Variants in PEAK1 observed in about 807,000 individuals in gnomAD.
PEAK1 encodes the protein inactive tyrosine-protein kinase PEAK1.
A neutral mutation model predicts 124.7 loss-of-function variants in PEAK1; 54 were observed. The observed-to-expected ratio is 0.43, with a 90% confidence interval of 0.35 to 0.54. PEAK1 has a LOEUF of 0.54. Among genes scored for constraint, PEAK1 ranks in the 20% least tolerant of loss-of-function variants. The pLI is 0.01. For missense variants in PEAK1, 2,046 were observed against 2,134.5 expected (o/e 0.96, Z 0.82); for synonymous variants, 719 against 760.0 (o/e 0.95, Z 0.89).
At chr15:77,356,774 T>C (rs764179910) in intron 2 of PEAK1, among the ~76,000 whole-genome samples, 2 of 152,242 alleles carry the variant, frequency 1.3e-5, no homozygotes, top group Non-Finnish European at 2.9e-5. Flanking sequence ...AATTAAGGCA[T>C]TATAATGATT....
intron 2 of PEAK1, among the ~76,000 whole-genome samples, chr15:77,302,035 C>T (rs1439005419): frequency 1.3e-5 from 2 of 151,994 alleles, no homozygotes; most frequent in Middle Eastern, 3.4e-3. Context: ...ATACTCCTAT[C>T]GTTGTGTCTT....
intron 1 of PEAK1, among the ~76,000 whole-genome samples, chr15:77,393,453 G>C (rs1277386494): frequency 1.3e-5 from 2 of 152,114 alleles, no homozygotes; most frequent in Non-Finnish European, 2.9e-5. Context: ...CTCAACCACA[G>C]TAGGACAGGC....
At chr15:77,262,090 A>G (rs982593643) in intron 5 of PEAK1, among the ~76,000 whole-genome samples, 12 of 152,192 alleles carry the variant, frequency 7.9e-5, no homozygotes, top group African/African-American at 1.2e-4. Context: ...GGCCTGCCCT[A>G]AAAGAACTCC....
At chr15:77,160,845 G>C (rs1456623882) in intron 7 of PEAK1, among the ~76,000 whole-genome samples, 2 of 152,098 alleles carry the variant, frequency 1.3e-5, no homozygotes, top group Non-Finnish European at 2.9e-5. Context: ...ATTACTAAAA[G>C]AAAGTGTTCC....
chr15:77,240,454 C>CA (rs2060305255), intron 6 of PEAK1, among the ~76,000 whole-genome samples: 2 of 151,442 alleles, frequency 1.3e-5, no homozygotes, highest in Admixed American at 1.3e-4. Context: ...TCCGTCTCTA[C>CA]AAAAAATAAA....
chr15:77,238,803 T>C (rs1192072362), intron 6 of PEAK1, among the ~76,000 whole-genome samples: 1 of 152,202 alleles, frequency 6.6e-6, no homozygotes, highest in Admixed American at 6.5e-5. Context: ...TGTTTTTGCA[T>C]GTCAAACACC....
intron 1 of PEAK1, among the ~76,000 whole-genome samples, chr15:77,383,301 C>G (rs993619156): frequency 1.3e-5 from 2 of 152,170 alleles, no homozygotes; most frequent in Non-Finnish European, 2.9e-5. Context: ...GCTGGGATTA[C>G]AGACATGAGC....
chr15:77,303,144 G>C (rs1156695228), intron 2 of PEAK1, among the ~76,000 whole-genome samples: 18 of 152,122 alleles, frequency 1.2e-4, no homozygotes, highest in Admixed American at 1.2e-3. Context: ...ATGTACCACA[G>C]TTTATCCATT....
intron 2 of PEAK1, among the ~76,000 whole-genome samples, chr15:77,294,107 A>G (rs1202641449): frequency 1.3e-5 from 2 of 152,218 alleles, no homozygotes; most frequent in African/African-American, 4.8e-5. Context: ...CAGTGCCCTC[A>G]GCAAATTTGG....
At chr15:77,119,096 T>A (rs2051669541) in intron 9 of PEAK1, among the ~76,000 whole-genome samples, 1 of 81,150 alleles carries the variant, frequency 1.2e-5, no homozygotes, top group South Asian at 3.6e-4. Context: ...GGCCTCTTTC[T>A]GGATAAGCTT....
intron 1 of PEAK1, chr15:77,401,669 G>T: frequency 1.0e-6 from 1 of 984,956 alleles, no homozygotes; most frequent in Non-Finnish European, 1.2e-6. Flanking sequence ...ACATTGCCAC[G>T]AAAGAACTCA....
At chr15:77,140,358 G>A (rs889413246) in intron 8 of PEAK1, among the ~76,000 whole-genome samples, 2 of 151,966 alleles carry the variant, frequency 1.3e-5, no homozygotes, top group Admixed American at 6.6e-5. Flanking sequence ...CTAGCAAACC[G>A]AATCCAGCAA....
At chr15:77,198,338 C>T (rs758361720) in intron 6 of PEAK1, among the ~76,000 whole-genome samples, 3 of 152,124 alleles carry the variant, frequency 2.0e-5, no homozygotes, top group Non-Finnish European at 4.4e-5. Context: ...ATTTTTAGTG[C>T]AATGCTGTAA....
intron 6 of PEAK1, among the ~76,000 whole-genome samples, chr15:77,202,326 G>T (rs959900910): frequency 2.0e-5 from 3 of 152,114 alleles, no homozygotes; most frequent in Admixed American, 1.3e-4. Flanking sequence ...GACTACCACA[G>T]AACCTAACTA....
intron 6 of PEAK1, among the ~76,000 whole-genome samples, chr15:77,247,713 T>C (rs1336639590): frequency 3.9e-5 from 6 of 152,008 alleles, no homozygotes; most frequent in Admixed American, 2.0e-4. Context: ...CTCAAACTCC[T>C]AACCTGAAGT....
At chr15:77,106,357 G>A (rs2050751314), downstream of PEAK1, 1 of 149,696 alleles carries the variant, frequency 6.7e-6, no homozygotes, top group African/African-American at 2.4e-5. Flanking sequence ...AGACATAAGT[G>A]ACTATTTATT....
At chr15:77,375,631 A>G (rs2068946918) in intron 1 of PEAK1, among the ~76,000 whole-genome samples, 1 of 152,192 alleles carries the variant, frequency 6.6e-6, no homozygotes, top group Admixed American at 6.5e-5. Flanking sequence ...CTTTGATCCA[A>G]ATGATCAAAA....
intron 8 of PEAK1, among the ~76,000 whole-genome samples, chr15:77,143,291 A>C (rs1286469884): frequency 1.3e-5 from 2 of 152,186 alleles, no homozygotes; most frequent in Non-Finnish European, 2.9e-5. Flanking sequence ...AGAAGGTTAG[A>C]AGCAGTGAAT....
At chr15:77,253,251 G>GC (rs1021330751) in intron 5 of PEAK1, among the ~76,000 whole-genome samples, 1 of 149,744 alleles carries the variant, frequency 6.7e-6, no homozygotes, top group Admixed American at 6.6e-5. Context: ...GCGTTGGGGG[G>GC]GGGGTGGTCC....
Sources: gnomAD v4.1 joint callset for allele counts (sites outside exome capture counted in the v4.1 genomes callset) on GRCh38, gnomAD v4.1.1 for gene constraint, MANE v1.5 for transcripts, NCBI Gene and HGNC (gene_info 2026-07-23, HGNC 2026-07-21) for gene names.